The following DRC11 variants were observed in gnomAD, a reference collection of about 807,000 sequenced individuals.
DRC11 encodes IQ and AAA domain-containing protein 1.
the DRC11 span, among the ~76,000 whole-genome samples, chr2:236,400,928 C>T: frequency 6.6e-6 from 1 of 152,198 alleles, no homozygotes; most frequent in African/African-American, 2.4e-5. This position sits in a 1 kb window ranked among gnomAD's most constrained non-coding sequence, Gnocchi z 7.9. Context: ...CCTGCTTCTG[C>T]CTCCAGTCCC....
At chr2:236,414,611 C>T in the DRC11 span, among the ~76,000 whole-genome samples, 20 of 152,250 alleles carry the variant, frequency 1.3e-4, no homozygotes, top group African/African-American at 4.6e-4. Context: ...CAGGTGTGAG[C>T]CACTGGGCAG....
At chr2:236,351,406 G>C in the DRC11 span, among the ~76,000 whole-genome samples, 2 of 152,168 alleles carry the variant, frequency 1.3e-5, no homozygotes, top group Non-Finnish European at 2.9e-5. This position sits in a 1 kb window ranked among gnomAD's most constrained non-coding sequence, Gnocchi z 7.3. Flanking sequence ...ATGGTCTGGA[G>C]AGGGGGAAGC....
the DRC11 span, among the ~76,000 whole-genome samples, chr2:236,449,903 T>C: frequency 4.6e-5 from 7 of 152,182 alleles, no homozygotes; most frequent in Non-Finnish European, 8.8e-5. The surrounding 1 kb of genome is among the most constrained non-coding windows in gnomAD (Gnocchi z 5.1). Context: ...GTTGCCACTT[T>C]GCTTTTGGTT....
the DRC11 span, among the ~76,000 whole-genome samples, chr2:236,416,768 T>TTTTTATATATATATATATATATATATAA: frequency 1.1e-5 from 1 of 92,962 alleles, no homozygotes; most frequent in Non-Finnish European, 2.2e-5. Flanking sequence ...TATATATATA[T>TTTTTATATATATATATATATATATATAA]AAATAATTTT....
the DRC11 span, among the ~76,000 whole-genome samples, chr2:236,470,391 G>A: frequency 2.0e-5 from 3 of 152,098 alleles, no homozygotes; most frequent in Non-Finnish European, 2.9e-5. This position sits in a 1 kb window ranked among gnomAD's most constrained non-coding sequence, Gnocchi z 5.1. Flanking sequence ...GAAATTTCTC[G>A]CCATCGTCAA....
At chr2:236,370,763 G>A in the DRC11 span, among the ~76,000 whole-genome samples, 1 of 150,884 alleles carries the variant, frequency 6.6e-6, no homozygotes, top group South Asian at 2.1e-4. The surrounding 1 kb of genome is among the most constrained non-coding windows in gnomAD (Gnocchi z 5.5). Flanking sequence ...GCCAGTTCTG[G>A]AGCAGGGTGG....
the DRC11 span, among the ~76,000 whole-genome samples, chr2:236,358,366 T>G: frequency 7.9e-6 from 1 of 126,594 alleles, no homozygotes; most frequent in African/African-American, 3.0e-5. Context: ...GAATATATAA[T>G]ATATAGATAT....
At chr2:236,486,963 G>C in the DRC11 span, 42 of 1,282,698 alleles carry the variant, frequency 3.3e-5, no homozygotes, top group Non-Finnish European at 4.1e-5. This position sits in a 1 kb window ranked among gnomAD's most constrained non-coding sequence, Gnocchi z 5.7. Context: ...ATGGCTTGCA[G>C]TTTCTCCCAT....
the DRC11 span, among the ~76,000 whole-genome samples, chr2:236,369,445 TAATA>T: frequency 6.6e-6 from 1 of 152,068 alleles, no homozygotes; most frequent in African/African-American, 2.4e-5. The surrounding 1 kb of genome is among the most constrained non-coding windows in gnomAD (Gnocchi z 4.5). Context: ...AATGAGCAGG[TAATA>T]AATAGAAGAG....
chr2:236,354,054 G>A, the DRC11 span, among the ~76,000 whole-genome samples: 2 of 152,264 alleles, frequency 1.3e-5, no homozygotes, highest in East Asian at 3.9e-4. Flanking sequence ...AAGGGCAGAG[G>A]TATACTAGAA....
chr2:236,381,176 A>C, the DRC11 span, among the ~76,000 whole-genome samples: 1 of 152,152 alleles, frequency 6.6e-6, no homozygotes, highest in Non-Finnish European at 1.5e-5. This position sits in a 1 kb window ranked among gnomAD's most constrained non-coding sequence, Gnocchi z 5.8. Flanking sequence ...AGCTAGGAGG[A>C]ACCATCTTTG....
At chr2:236,364,059 A>T in the DRC11 span, 11 of 1,244,404 alleles carry the variant, frequency 8.8e-6, no homozygotes, top group Non-Finnish European at 1.3e-5. Flanking sequence ...TCAAGGTCAA[A>T]ACTGCATCGT....
At chr2:236,496,059 A>G in the DRC11 span, among the ~76,000 whole-genome samples, 691 of 152,324 alleles carry the variant, frequency 4.5e-3, 3 homozygotes, top group African/African-American at 0.015. The surrounding 1 kb of genome is among the most constrained non-coding windows in gnomAD (Gnocchi z 6.3). Flanking sequence ...TAAATGTAAT[A>G]TTCATTAATT....
At chr2:236,353,978 T>G in the DRC11 span, among the ~76,000 whole-genome samples, 1 of 152,194 alleles carries the variant, frequency 6.6e-6, no homozygotes, top group African/African-American at 2.4e-5. This position sits in a 1 kb window ranked among gnomAD's most constrained non-coding sequence, Gnocchi z 5.0. Flanking sequence ...TTTTATGTAC[T>G]TGCGGAGGTT....
chr2:236,433,447 C>T, the DRC11 span, among the ~76,000 whole-genome samples: 5 of 152,116 alleles, frequency 3.3e-5, no homozygotes, highest in South Asian at 2.1e-4. Context: ...CTTTTCTTCA[C>T]GTAGAATGTA....
chr2:236,409,663 G>A, the DRC11 span, among the ~76,000 whole-genome samples: 2 of 152,016 alleles, frequency 1.3e-5, no homozygotes, highest in East Asian at 1.9e-4. Context: ...GGAGTGGTGA[G>A]AGAGGGCATC....
At chr2:236,487,077 T>C in the DRC11 span, among the ~76,000 whole-genome samples, 17 of 152,308 alleles carry the variant, frequency 1.1e-4, no homozygotes, top group African/African-American at 3.8e-4. Flanking sequence ...AAAAACATTG[T>C]TAAAAAGAAT....
chr2:236,441,086 T>G, the DRC11 span: 1 of 1,562,714 alleles, frequency 6.4e-7, no homozygotes, highest in Non-Finnish European at 8.7e-7. Context: ...CCCTCCTTCT[T>G]CAACGTCAGG....
the DRC11 span, among the ~76,000 whole-genome samples, chr2:236,329,590 C>A: frequency 1.4e-5 from 2 of 146,202 alleles, no homozygotes; most frequent in African/African-American, 5.1e-5. Context: ...CAGGGTTTGC[C>A]TCATTAGAAG....
Sources: allele counts gnomAD v4.1 joint callset (sites outside exome capture counted in the v4.1 genomes callset), GRCh38; gene constraint gnomAD v4.1.1; non-coding constraint Gnocchi (gnomAD v3.1); transcripts MANE v1.5; gene names NCBI Gene and HGNC (gene_info 2026-07-23, HGNC 2026-07-21).